ADAMTS19: variants seen among roughly 807,000 people sequenced by gnomAD.
ADAMTS19 encodes ADAM metallopeptidase with thrombospondin type 1 motif 19, also known as A disintegrin and metalloproteinase with thrombospondin motifs 19.
Under a neutral mutation model 153.3 loss-of-function variants are expected in ADAMTS19, and 93 were observed. That is an observed-to-expected ratio of 0.61 (90% CI 0.51 to 0.72). ADAMTS19 has a LOEUF of 0.72. Among genes scored for constraint, ADAMTS19 ranks in the 30% least tolerant of loss-of-function variants. ADAMTS19 has a pLI of 0.00. For synonymous variants in ADAMTS19, 600 were observed against 556.6 expected, an observed-to-expected ratio of 1.08 and a Z score of -1.10; for missense variants, 1,482 against 1,552.1, an observed-to-expected ratio of 0.95 and a Z score of 0.76.
At chr5:129,629,348 C>T (rs1752189892) in intron 10 of ADAMTS19, among the ~76,000 whole-genome samples, 1 of 151,976 alleles carries the variant, frequency 6.6e-6, no homozygotes, top group East Asian at 1.9e-4. Flanking sequence ...ATCCTTATGA[C>T]CAGCTCATTT....
chr5:129,648,770 AATTG>A (rs760835189), intron 12 of ADAMTS19, 24 bp from the exon 13 acceptor site: 6 of 1,601,086 alleles, frequency 3.7e-6, no homozygotes, highest in Non-Finnish European at 5.1e-6. Context: ...AAAAACATAA[AATTG>A]ATTATTTGTA....
chr5:129,665,554 G>A lies in ADAMTS19; in HGVS notation c.2481G>A (p.Glu827=), dbSNP rs77945368. The part of the protein sequence containing the change: ...PAGARRIKVV[E]EKPAHSYLAL... ...GAGCAAGAAGAATCAAAGTTGTGGA[G>A]GAAAAGCCGGCACATAGCTATTTAG... The change falls in exon 16 of 23, where the codon GAG becomes GAA. Residue 827 remains glutamate, a synonymous_variant. Coordinates refer to ENST00000274487, the MANE Select transcript of ADAMTS19 (RefSeq NM_133638.6). The A allele has an allele frequency of 7.7e-4, 1,235 of 1,610,594 alleles. 10 individuals are homozygous for A. In the African/African-American group the frequency reaches 0.015, roughly 20 times the overall value.
In ADAMTS19 at chr5:129,528,736, C is replaced by A. The variant is rs2126768890; in HGVS notation, c.1328+59C>A. On this transcript the variant is annotated intron_variant, in intron 6 of 22. Coordinates refer to ENST00000274487, the MANE Select transcript of ADAMTS19 (RefSeq NM_133638.6). ...TAATTCAATCACTGCACTGTTGATC[C>A]CATTAATCCCTTAATAGATAATGTT... 2.3e-6 allele frequency: 3 copies of A among 1,324,318 alleles called. No homozygotes were observed. The South Asian group carries it at 4.2e-5, about 18-fold the overall frequency. 82.0% of individuals were successfully genotyped at this position (1,324,318 alleles called of 1,614,324 possible). A position where few individuals can be genotyped will look rare whatever the true frequency, so the allele number is the denominator to read the frequency against.
At chr5:129,714,710 T>G (rs1196305130) in intron 21 of ADAMTS19, among the ~76,000 whole-genome samples, 1 of 152,120 alleles carries the variant, frequency 6.6e-6, no homozygotes, top group Non-Finnish European at 1.5e-5. Context: ...TTACACCAAC[T>G]TGATAGGTGG....
At chr5:129,571,380 A>T (rs1753901683) in intron 7 of ADAMTS19, among the ~76,000 whole-genome samples, 1 of 151,676 alleles carries the variant, frequency 6.6e-6, no homozygotes, top group African/African-American at 2.4e-5. Context: ...ACATTAGGAC[A>T]TGATATATAT....
intron 3 of ADAMTS19, among the ~76,000 whole-genome samples, chr5:129,519,305 C>G (rs1368452273): frequency 6.6e-6 from 1 of 152,082 alleles, no homozygotes; most frequent in Non-Finnish European, 1.5e-5. Flanking sequence ...CCTCACAACT[C>G]TAACTGGCAC....
Position 129,737,338 on chromosome 5 carries a change from AT to A in ADAMTS19, c.*127del, listed in dbSNP as rs1581279432. 8.9e-6 allele frequency: 10 copies of A among 1,123,208 alleles called. No homozygotes were observed. Among genetic ancestry groups the A allele is most frequent in the Middle Eastern group, 3.3e-4 (1 of 2,998 alleles). The allele number at this position is 1,123,208 out of a possible 1,614,324, so 69.6% of individuals were successfully genotyped here. A position where few individuals can be genotyped will look rare whatever the true frequency, so the allele number is the denominator to read the frequency against. ...ACATATAATTTAATCAAATTAATTT[AT>A]TTTTTTGCCTGCCAAACATCCAATG... is the stretch of plus-strand genomic sequence containing the variant. On this transcript the variant is annotated 3_prime_UTR_variant, in exon 23 of 23. Transcript: ENST00000274487.
chr5:129,698,142 G>C (rs574181591), intron 19 of ADAMTS19, among the ~76,000 whole-genome samples: 1 of 152,288 alleles, frequency 6.6e-6, no homozygotes, highest in South Asian at 2.1e-4. Flanking sequence ...AATTTTTGCA[G>C]CTGGAGACTG....
chr5:129,736,285 T>C, intron 22 of ADAMTS19, among the ~76,000 whole-genome samples: 1 of 152,034 alleles, frequency 6.6e-6, no homozygotes, highest in South Asian at 2.1e-4. Flanking sequence ...TATTATTCCT[T>C]GAAGGTATAC....
intron 8 of ADAMTS19, among the ~76,000 whole-genome samples, chr5:129,606,322 T>G (rs1251019506): frequency 6.6e-6 from 1 of 152,208 alleles, no homozygotes; most frequent in African/African-American, 2.4e-5. Flanking sequence ...GTATTTCTGT[T>G]ATTGGCACCA....
chr5:129,537,100 C>G (rs955924663), intron 6 of ADAMTS19, among the ~76,000 whole-genome samples: 5 of 151,718 alleles, frequency 3.3e-5, no homozygotes, highest in Non-Finnish European at 7.4e-5. Flanking sequence ...ACAACCCCAT[C>G]AAAAAGTGGG....
intron 3 of ADAMTS19, among the ~76,000 whole-genome samples, chr5:129,512,412 G>C (rs1581023958): frequency 6.6e-6 from 1 of 152,144 alleles, no homozygotes; most frequent in East Asian, 1.9e-4. Flanking sequence ...CAACTGTGTT[G>C]TTTTTATACA....
intron 7 of ADAMTS19, among the ~76,000 whole-genome samples, chr5:129,560,796 A>C (rs889678275): frequency 2.1e-5 from 3 of 145,176 alleles, no homozygotes; most frequent in Non-Finnish European, 2.9e-5. Flanking sequence ...CAACATTCAC[A>C]TGTGTTGTGA....
intron 2 of ADAMTS19, among the ~76,000 whole-genome samples, chr5:129,496,049 A>G (rs1037077586): frequency 3.3e-5 from 5 of 152,118 alleles, no homozygotes; most frequent in African/African-American, 1.2e-4. Flanking sequence ...TGGGAATGTC[A>G]TGATTGGGAA....
At chr5:129,692,553 T>TAACA (rs1755382143) in intron 18 of ADAMTS19, among the ~76,000 whole-genome samples, 1 of 152,180 alleles carries the variant, frequency 6.6e-6, no homozygotes, top group Non-Finnish European at 1.5e-5. Context: ...GTCACCTTGT[T>TAACA]GCATGAGCTG....
At chr5:129,482,083 A>C (rs1233121861) in intron 2 of ADAMTS19, among the ~76,000 whole-genome samples, 1 of 152,226 alleles carries the variant, frequency 6.6e-6, no homozygotes, top group Non-Finnish European at 1.5e-5. Context: ...GTTTCAGACC[A>C]GTCATTTTTA....
rs1318864722 is a variant in ADAMTS19 at position 129,665,512 on chromosome 5, G to T, written c.2439G>T (p.Val813=). ...NHTRGAGYVE[V]LVIPAGARRI... is the part of the protein sequence containing the mutation. ...TGACTCTTACAGGTTATGTAGAAGT[G>T]CTGGTGATACCTGCTGGAGCAAGAA... Residue 813 remains valine, a synonymous_variant, in exon 16 of 23, where the codon GTG becomes GTT. Transcript: ENST00000274487. The T allele has an allele frequency of 1.9e-6, 3 of 1,609,338 alleles. No individual in the cohort carries two copies. Among genetic ancestry groups the T allele is most frequent in the African/African-American group, 1.3e-5 (1 of 74,760 alleles).
At position 129,684,109 on chromosome 5, in the gene ADAMTS19, G is replaced by C; in HGVS notation, c.2665-11G>C. ...TGACCCATCTGCCTTGATCATTTTT[G>C]TATACTATAGGTGCTCCTGTTTCAG... On this transcript the variant is annotated splice_polypyrimidine_tract_variant and intron_variant, in intron 17 of 22. Transcript: ENST00000274487. 1.2e-6 allele frequency: 2 copies of C among 1,607,612 alleles called. No individual in the cohort carries two copies. Among genetic ancestry groups the C allele is most frequent in the African/African-American group, 2.7e-5 (2 of 74,626 alleles).
At chr5:129,733,460 C>CA (rs201922427) in intron 21 of ADAMTS19, among the ~76,000 whole-genome samples, 7 of 151,620 alleles carry the variant, frequency 4.6e-5, no homozygotes, top group Admixed American at 6.6e-5. Flanking sequence ...ACTCAACAAA[C>CA]AAAAAAACAA....
Sources: allele counts gnomAD v4.1 joint callset (sites outside exome capture counted in the v4.1 genomes callset), GRCh38; gene constraint gnomAD v4.1.1; transcripts MANE v1.5; gene names NCBI Gene and HGNC (gene_info 2026-07-23, HGNC 2026-07-21).